Variants in CNTNAP3 observed in about 807,000 individuals in gnomAD.
CNTNAP3 encodes contactin associated protein family member 3, also known as contactin-associated protein-like 3.
In CNTNAP3, 36 loss-of-function variants were observed where a neutral mutation model predicts 92.1. That is an observed-to-expected ratio of 0.39 (90% CI 0.30 to 0.52). The LOEUF (loss-of-function observed/expected upper bound fraction) is 0.52, where lower values mean the gene tolerates loss of function less well. Ranked by LOEUF, CNTNAP3 falls within the 20% of genes least tolerant of loss-of-function variation. CNTNAP3 has a pLI of 0.76. For missense variants in CNTNAP3, 534 were observed against 1,069.6 expected (o/e 0.50, Z 6.98); for synonymous variants, 232 against 422.3 (o/e 0.55, Z 5.53).
In CNTNAP3 at chr9:39,146,684, G is replaced by A. The variant is rs185181800; in HGVS notation, c.1650-2338C>T. On this transcript the variant is annotated intron_variant, in intron 10 of 23. Transcript: ENST00000297668. ...AGCCTGGGCGACAGAGCGAGACTCCGTCTCAAAAAAACAAACAAGCAAACA... is the reference window on the plus strand; with the variant it reads ...AGCCTGGGCGACAGAGCGAGACTCCATCTCAAAAAAACAAACAAGCAAACA... Among the ~76,000 whole-genome samples, 180 of 151,362 alleles carry A rather than the reference G, an allele frequency of 1.2e-3. 1 individual carries two copies. The highest frequency in any genetic ancestry group is 4.1e-3 in the African/African-American group (168 of 41,020).
intron 23 of CNTNAP3, among the ~76,000 whole-genome samples, chr9:39,077,981 A>T (rs1235851444): frequency 6.6e-6 from 1 of 152,166 alleles, no homozygotes; most frequent in Non-Finnish European, 1.5e-5. Flanking sequence ...TGAGGCGGGC[A>T]GATCACTTGA....
rs1363802841 is a variant in CNTNAP3, at chr9:39,100,815, C to T, written c.2756-665G>A. 6.7e-5 allele frequency among the ~76,000 whole-genome samples: 10 copies of T among 149,334 alleles called. 1 individual carries two copies. Among genetic ancestry groups the T allele is most frequent in the Non-Finnish European group, 1.0e-4 (7 of 67,526 alleles). On this transcript the variant is annotated intron_variant, in intron 17 of 23. Transcript: ENST00000297668. ...AGAAACCATTTAGAGAGGTTTACAA[C>T]ACCTGTGTAGTGACAAACACCATTA...
intron 13 of CNTNAP3, among the ~76,000 whole-genome samples, chr9:39,131,563 C>T (rs1283631825): frequency 2.6e-5 from 4 of 151,690 alleles, no homozygotes; most frequent in Non-Finnish European, 5.9e-5. Flanking sequence ...CGGTGGCTCA[C>T]GCCTGTAATC....
intron 12 of CNTNAP3, among the ~76,000 whole-genome samples, chr9:39,135,160 A>G (rs893476570): frequency 2.6e-5 from 4 of 152,238 alleles, no homozygotes; most frequent in African/African-American, 9.6e-5. Context: ...CACCCAAAGA[A>G]GGACATAGAC....
intron 21 of CNTNAP3, among the ~76,000 whole-genome samples, chr9:39,083,448 C>G (rs1825992335): frequency 6.6e-6 from 1 of 151,988 alleles, no homozygotes; most frequent in African/African-American, 2.4e-5. Flanking sequence ...ATCACAAGGT[C>G]AGGAATTCGA....
In CNTNAP3 at chr9:39,066,046, T is replaced by C. The variant is rs1001573839; in HGVS notation, c.*7844A>G. ...TTGTTCTTTGTCCTCTTTCTCATCT[T>C]TTTTGTCTACTTTCAAGCATTTAAA... On this transcript the variant is annotated 3_prime_UTR_variant, in exon 24 of 24. Coordinates refer to ENST00000297668, the MANE Select transcript of CNTNAP3 (RefSeq NM_033655.5). 2.0e-5 allele frequency among the ~76,000 whole-genome samples: 3 copies of C among 152,240 alleles called. No homozygotes were observed. The highest frequency in any genetic ancestry group is 4.4e-5 in the Non-Finnish European group (3 of 68,032).
intron 14 of CNTNAP3, among the ~76,000 whole-genome samples, chr9:39,109,868 C>T (rs537584921): frequency 1.3e-5 from 2 of 152,186 alleles, no homozygotes; most frequent in African/African-American, 4.8e-5. Context: ...AGTGATTATT[C>T]ATTACAAATA....
In CNTNAP3 at chr9:39,238,550, C is replaced by CA. The variant is rs1200513230; in HGVS notation, c.390+442dup. Among the ~76,000 whole-genome samples the CA allele has an allele frequency of 1.4e-3, 5 of 3,508 alleles. 2 individuals are homozygous for CA. The highest frequency in any genetic ancestry group is 1.5e-3 in the African/African-American group (5 of 3,284). 2.3% of individuals were successfully genotyped at this position (3,508 alleles called of 152,430 possible). On this transcript the variant is annotated intron_variant, in intron 3 of 23. Transcript: ENST00000297668. ...CTTAAAATAAAAAAAAAACAAAAAACAAAAAAAAAAAAAACAAGAAAAACT... is the reference window on the plus strand; with the variant it reads ...CTTAAAATAAAAAAAAAACAAAAAACAAAAAAAAAAAAAAACAAGAAAAACT...
At chr9:39,074,814 T>G (rs1295311083) in intron 23 of CNTNAP3, among the ~76,000 whole-genome samples, 1 of 152,170 alleles carries the variant, frequency 6.6e-6, no homozygotes, top group African/African-American at 2.4e-5. Context: ...TGTCGCCCAG[T>G]CTGGAGTGCA....
intron 21 of CNTNAP3, among the ~76,000 whole-genome samples, chr9:39,080,363 C>T (rs1471371556): frequency 1.5e-5 from 2 of 137,226 alleles, no homozygotes; most frequent in Non-Finnish European, 3.1e-5. Context: ...CCTGGTGAGT[C>T]AGTTTAGCAA....
chr9:39,119,190 T>C (rs1158892780), intron 13 of CNTNAP3, among the ~76,000 whole-genome samples: 18 of 152,228 alleles, frequency 1.2e-4, no homozygotes, highest in Non-Finnish European at 2.2e-4. Flanking sequence ...CTTGATCATG[T>C]GGTGCTGTTT....
intron 10 of CNTNAP3, among the ~76,000 whole-genome samples, chr9:39,147,274 G>GTTTA (rs1008789905): frequency 6.6e-6 from 1 of 150,742 alleles, no homozygotes; most frequent in Non-Finnish European, 1.5e-5. Context: ...ATTTTTGTTT[G>GTTTA]TTTGTTAACA....
At chr9:39,107,408 G>GGAA (rs1404325495) in intron 15 of CNTNAP3, among the ~76,000 whole-genome samples, 1 of 151,650 alleles carries the variant, frequency 6.6e-6, no homozygotes, top group Non-Finnish European at 1.5e-5. Flanking sequence ...GAGGAAGGAA[G>GGAA]GAAGGAGCCA....
chr9:39,149,313 A>T (rs1271085759), intron 10 of CNTNAP3, among the ~76,000 whole-genome samples: 1 of 152,094 alleles, frequency 6.6e-6, no homozygotes, highest in East Asian at 1.9e-4. Context: ...ACTATCATTT[A>T]AAAAATGCTA....
At chr9:39,137,079 CT>C (rs1186097761) in intron 12 of CNTNAP3, among the ~76,000 whole-genome samples, 2 of 150,814 alleles carry the variant, frequency 1.3e-5, no homozygotes, top group Admixed American at 6.6e-5. Flanking sequence ...GCTTCTGTTC[CT>C]TTCTTTCTTT....
intron 21 of CNTNAP3, among the ~76,000 whole-genome samples, chr9:39,084,121 G>A (rs1196033919): frequency 1.3e-5 from 2 of 151,818 alleles, no homozygotes; most frequent in East Asian, 1.9e-4. Context: ...TGTAGTGAGG[G>A]TGGGTAGGTA....
intron 12 of CNTNAP3, among the ~76,000 whole-genome samples, chr9:39,139,136 T>C (rs1254179920): frequency 1.3e-5 from 2 of 152,198 alleles, no homozygotes; most frequent in East Asian, 3.9e-4. Flanking sequence ...TGACATTTTC[T>C]AGGGCAGAAA....
chr9:39,125,777 G>A (rs1821141085), intron 13 of CNTNAP3, among the ~76,000 whole-genome samples: 2 of 152,146 alleles, frequency 1.3e-5, no homozygotes, highest in Admixed American at 6.5e-5. Flanking sequence ...ATAACAAGAA[G>A]ATATAATAAT....
At chr9:39,145,903 T>C (rs1221835557) in intron 10 of CNTNAP3, among the ~76,000 whole-genome samples, 1 of 143,024 alleles carries the variant, frequency 7.0e-6, no homozygotes, top group Non-Finnish European at 1.5e-5. Context: ...TTCCCCCACA[T>C]CCTTCTCCCT....
Sources: allele counts gnomAD v4.1 joint callset (sites outside exome capture counted in the v4.1 genomes callset), GRCh38; gene constraint gnomAD v4.1.1; transcripts MANE v1.5; gene names NCBI Gene and HGNC (gene_info 2026-07-23, HGNC 2026-07-21).